Variants in ALK observed in about 807,000 individuals in gnomAD.
ALK encodes ALK receptor tyrosine kinase, also known as ALK tyrosine kinase receptor.
Under a neutral mutation model 163.1 loss-of-function variants are expected in ALK, and 74 were observed. That is an observed-to-expected ratio of 0.45 (90% CI 0.38 to 0.55). The LOEUF is 0.55. Ranked by LOEUF, ALK falls within the 20% of genes least tolerant of loss-of-function variation. ALK has a pLI of 0.00. For synonymous variants in ALK, 960 were observed against 843.2 expected (o/e 1.14, Z -2.40); for missense variants, 2,063 against 2,105.3 (o/e 0.98, Z 0.39).
intron 4 of ALK, among the ~76,000 whole-genome samples, chr2:29,510,006 T>A (rs937121871): frequency 6.6e-6 from 1 of 152,218 alleles, no homozygotes; most frequent in East Asian, 1.9e-4. Context: ...GGATTGCCTA[T>A]GGGATCATGG....
intron 3 of ALK, among the ~76,000 whole-genome samples, chr2:29,571,806 G>A (rs1290448588): frequency 1.3e-5 from 2 of 151,708 alleles, no homozygotes; most frequent in South Asian, 2.1e-4. Context: ...TAGTAGAAAC[G>A]GGTTTCACCA....
intron 1 of ALK, among the ~76,000 whole-genome samples, chr2:29,805,729 T>C (rs370478415): frequency 6.6e-6 from 1 of 152,188 alleles, no homozygotes; most frequent in Admixed American, 6.5e-5. Context: ...ACATTTTCTT[T>C]ATCCAGTCTA....
chr2:29,291,669 T>C (rs2148227312), intron 9 of ALK, among the ~76,000 whole-genome samples: 1 of 152,356 alleles, frequency 6.6e-6, no homozygotes, highest in South Asian at 2.1e-4. Context: ...TCATCATTTA[T>C]AACTCTTAAA....
At position 29,920,366 on chromosome 2, in the gene ALK, C is replaced by G. The variant is rs761949668; in HGVS notation, c.294G>C (p.Leu98=). ...RGSLALDCAP[L]LRLLGPAPGV... is the part of the protein sequence containing the mutation. ...CCGGCGCCGGCCCCAGCAACCTGAG[C>G]AGCGGGGCGCAGTCCAGAGCTAGCG... is the stretch of plus-strand genomic sequence containing the variant. The change falls in exon 1 of 29, where the codon CTG becomes CTC. Residue 98 remains leucine (L), a synonymous_variant. Transcript: ENST00000389048. 47 of 1,556,026 alleles carry G rather than the reference C, an allele frequency of 3.0e-5. No homozygotes were observed. The South Asian group carries it at 5.4e-4, about 18-fold the overall frequency.
chr2:29,719,500 G>A (rs1457914966), intron 1 of ALK, among the ~76,000 whole-genome samples: 1 of 152,272 alleles, frequency 6.6e-6, no homozygotes, highest in South Asian at 2.1e-4. Context: ...CTTTGGGTGG[G>A]GTTAAGTTTA....
intron 4 of ALK, among the ~76,000 whole-genome samples, chr2:29,410,849 C>T (rs1669709025): frequency 6.6e-6 from 1 of 152,180 alleles, no homozygotes. Flanking sequence ...CTCCTGTAGA[C>T]TTTAGCAACA....
rs1429831354 is a variant in ALK, at chr2:29,551,622, A to G, written c.953-19506T>C. The stretch of plus-strand genomic sequence containing the variant: ...TAACCACCATGCTGTATAAACAACT[A>G]GGAAGTTCATAAGCTCTCATTAGAA... On this transcript the variant is annotated intron_variant, in intron 3 of 28. Coordinates refer to ENST00000389048, the MANE Select transcript of ALK (RefSeq NM_004304.5). Among the ~76,000 whole-genome samples, 3 of 152,166 alleles carry G rather than the reference A, an allele frequency of 2.0e-5. No homozygotes were observed. The East Asian group carries it at 5.8e-4, about 29-fold the overall frequency.
chr2:29,568,933 A>G (rs549267236), intron 3 of ALK, among the ~76,000 whole-genome samples: 1 of 152,052 alleles, frequency 6.6e-6, no homozygotes, highest in South Asian at 2.1e-4. Flanking sequence ...TGCACTCCCT[A>G]AAGTTATGCT....
chr2:29,830,924 A>AAAGAAG lies in ALK; in HGVS notation c.667+89063_667+89068dup, dbSNP rs377209787. On this transcript the variant is annotated intron_variant, in intron 1 of 28. Coordinates refer to ENST00000389048, the MANE Select transcript of ALK (RefSeq NM_004304.5). ...AACTCTAAAGAAATGAAGAAGAAGA[A>AAAGAAG]AAGAAGAAGAAGAAGAAGAAAAGAA... Among the ~76,000 whole-genome samples the AAAGAAG allele has an allele frequency of 3.0e-5, 3 of 99,100 alleles. 1 individual carries two copies. Among genetic ancestry groups the AAAGAAG allele is most frequent in the African/African-American group, 1.1e-4 (3 of 26,496 alleles). The allele number at this position is 99,100 out of a possible 152,430, so 65.0% of individuals were successfully genotyped here.
At chr2:29,517,086 C>A (rs887104532) in intron 4 of ALK, among the ~76,000 whole-genome samples, 1 of 152,146 alleles carries the variant, frequency 6.6e-6, no homozygotes, top group African/African-American at 2.4e-5. Context: ...GGGGACCCCA[C>A]AATGAAAGTT....
At chr2:29,371,097 T>G (rs1345019329) in intron 5 of ALK, among the ~76,000 whole-genome samples, 1 of 152,232 alleles carries the variant, frequency 6.6e-6, no homozygotes, top group East Asian at 1.9e-4. Context: ...AGGAGGGATC[T>G]CCGAGACCAT....
chr2:29,751,019 G>A (rs995032113), intron 1 of ALK, among the ~76,000 whole-genome samples: 1 of 152,036 alleles, frequency 6.6e-6, no homozygotes, highest in Non-Finnish European at 1.5e-5. Context: ...GCAGTAAGCC[G>A]ACACTGAGCC....
intron 20 of ALK, among the ~76,000 whole-genome samples, 182 bp downstream of exon 20, chr2:29,223,160 G>C (rs1238977080): frequency 6.6e-6 from 1 of 152,194 alleles, no homozygotes; most frequent in Non-Finnish European, 1.5e-5. Flanking sequence ...TAAACTATGG[G>C]AGTTAATGTA....
chr2:29,281,235 G>T (rs1375748538), intron 9 of ALK, among the ~76,000 whole-genome samples: 1 of 152,190 alleles, frequency 6.6e-6, no homozygotes, highest in Non-Finnish European at 1.5e-5. Context: ...CGAGGGACAG[G>T]CCATCCTAGA....
chr2:29,915,461 C>A (rs1385998262), intron 1 of ALK, among the ~76,000 whole-genome samples: 1 of 152,146 alleles, frequency 6.6e-6, no homozygotes, highest in Admixed American at 6.5e-5. Context: ...CTCAAGTGAT[C>A]TGCCCTCCTC....
At chr2:29,759,758 G>A (rs1680647212) in intron 1 of ALK, among the ~76,000 whole-genome samples, 1 of 152,166 alleles carries the variant, frequency 6.6e-6, no homozygotes, top group African/African-American at 2.4e-5. Flanking sequence ...ATGATGAACA[G>A]GTCTGAGTAT....
At chr2:29,363,773 A>G (rs185188113) in intron 5 of ALK, among the ~76,000 whole-genome samples, 35 of 152,342 alleles carry the variant, frequency 2.3e-4, no homozygotes, top group African/African-American at 8.4e-4. Flanking sequence ...ATACAATTTG[A>G]GTCAACAATT....
intron 4 of ALK, among the ~76,000 whole-genome samples, chr2:29,463,072 G>A (rs532611532): frequency 2.6e-5 from 4 of 151,884 alleles, no homozygotes; most frequent in Non-Finnish European, 4.4e-5. Flanking sequence ...ACATATAATC[G>A]TAAAAACCTA....
intron 1 of ALK, among the ~76,000 whole-genome samples, chr2:29,885,846 T>C (rs749079948): frequency 1.6e-4 from 24 of 152,198 alleles, no homozygotes; most frequent in Non-Finnish European, 2.8e-4. Flanking sequence ...CTAAAGTACA[T>C]GGTGGAAGAA....
Sources: gnomAD v4.1 joint callset for allele counts (sites outside exome capture counted in the v4.1 genomes callset) on GRCh38, gnomAD v4.1.1 for gene constraint, MANE v1.5 for transcripts, NCBI Gene and HGNC (gene_info 2026-07-23, HGNC 2026-07-21) for gene names.